Variants in GPBP1 observed in about 807,000 individuals in gnomAD.
The protein encoded by GPBP1 is GC-rich promoter binding protein 1.
A neutral mutation model predicts 56.5 loss-of-function variants in GPBP1; 13 were observed. The ratio of observed to expected loss-of-function variants is 0.23; its 90% CI spans 0.15 to 0.37. GPBP1 has a LOEUF of 0.37. Ranked by LOEUF, GPBP1 falls within the 10% of genes least tolerant of loss-of-function variation. GPBP1 has a pLI of 1.00. For synonymous variants in GPBP1, 204 were observed against 188.9 expected (o/e 1.08, Z -0.66); for missense variants, 477 against 572.3 (o/e 0.83, Z 1.70).
At chr5:57,189,666 G>A (rs1418410329) in intron 2 of GPBP1, among the ~76,000 whole-genome samples, 2 of 152,130 alleles carry the variant, frequency 1.3e-5, no homozygotes, top group African/African-American at 4.8e-5. Flanking sequence ...AATGATATTC[G>A]ATTGTGTCAT....
chr5:57,236,988 T>A (rs146048589), intron 6 of GPBP1: 97 of 678,792 alleles, frequency 1.4e-4, no homozygotes, highest in Non-Finnish European at 2.2e-4. Context: ...TTTCTTTTGA[T>A]CTTCCTCTTT....
chr5:57,200,596 T>C (rs1221344030), intron 2 of GPBP1, among the ~76,000 whole-genome samples: 1 of 152,016 alleles, frequency 6.6e-6, no homozygotes, highest in Admixed American at 6.6e-5. Context: ...CTCGACCTCC[T>C]GACCTTGTGA....
At chr5:57,193,971 A>C (rs865991793) in intron 2 of GPBP1, among the ~76,000 whole-genome samples, 2 of 152,138 alleles carry the variant, frequency 1.3e-5, no homozygotes, top group Non-Finnish European at 2.9e-5. Flanking sequence ...AACCACTGTT[A>C]GTTTCTTATG....
In GPBP1 at chr5:57,248,344, C is replaced by T. The variant is rs918142382; in HGVS notation, c.805-1065C>T. Among the ~76,000 whole-genome samples the T allele has an allele frequency of 4.6e-5, 7 of 151,126 alleles. 1 individual carries two copies. Among genetic ancestry groups the T allele is most frequent in the Admixed American group, 3.3e-4 (5 of 15,196 alleles). ...GGGAGTTCTCTGACCAGTCTAGTGT[C>T]AAAGGACACCCATAGCACTTATATT... is the stretch of plus-strand genomic sequence containing the variant. On this transcript the variant is annotated intron_variant, in intron 8 of 11. Coordinates refer to ENST00000506184, the MANE Select transcript of GPBP1 (RefSeq NM_022913.4).
chr5:57,243,326 A>G (rs1398488315), intron 6 of GPBP1, among the ~76,000 whole-genome samples: 2 of 152,104 alleles, frequency 1.3e-5, no homozygotes, highest in African/African-American at 2.4e-5. Flanking sequence ...CGGCTTCCCA[A>G]AGTGCTGGGA....
rs562726061 is a variant in GPBP1, at chr5:57,190,724, C to G, written c.-58+14324C>G. 3.4e-3 allele frequency among the ~76,000 whole-genome samples: 124 copies of G among 36,250 alleles called. 1 individual carries two copies. The highest frequency in any genetic ancestry group is 0.013 in the African/African-American group (118 of 9,292). 23.8% of individuals were successfully genotyped at this position (36,250 alleles called of 152,430 possible). A position where few individuals can be genotyped will look rare whatever the true frequency, so the allele number is the denominator to read the frequency against. On this transcript the variant is annotated intron_variant, in intron 2 of 11. Transcript: ENST00000506184. ...TTTTTTTTTTTTTTTTTTTTTTTTCCTGAGACAAGGTCTTGCTCTGTCACC... is the reference window on the plus strand; with the variant it reads ...TTTTTTTTTTTTTTTTTTTTTTTTCGTGAGACAAGGTCTTGCTCTGTCACC...
chr5:57,201,072 C>G (rs1383936611), intron 2 of GPBP1, among the ~76,000 whole-genome samples: 2 of 152,168 alleles, frequency 1.3e-5, no homozygotes, highest in Non-Finnish European at 2.9e-5. Flanking sequence ...AATCTGCCCT[C>G]CTCGGCCTCC....
chr5:57,217,408 A>G (rs1419024911), intron 3 of GPBP1, among the ~76,000 whole-genome samples: 1 of 152,106 alleles, frequency 6.6e-6, no homozygotes, highest in East Asian at 1.9e-4. Flanking sequence ...CCCCGTCTCT[A>G]CTAAAAATAC....
At chr5:57,235,872 A>C in intron 5 of GPBP1, 94 bp from the exon 6 acceptor site, 1 of 892,722 alleles carries the variant, frequency 1.1e-6, no homozygotes, top group Non-Finnish European at 1.8e-6. Flanking sequence ...AGTTGGTCAT[A>C]TTTGATTCAT....
At chr5:57,206,747 A>G (rs1260898120) in intron 2 of GPBP1, among the ~76,000 whole-genome samples, 1 of 152,172 alleles carries the variant, frequency 6.6e-6, no homozygotes, top group Non-Finnish European at 1.5e-5. Flanking sequence ...TTTTTTGAAA[A>G]GACAATTCCG....
At chr5:57,221,474 A>T (rs1755957253) in intron 3 of GPBP1, 8 of 880,344 alleles carry the variant, frequency 9.1e-6, no homozygotes, top group Non-Finnish European at 1.5e-5. Context: ...TATGCTAGGA[A>T]GGATGACAAA....
intron 10 of GPBP1, among the ~76,000 whole-genome samples, chr5:57,259,463 ACT>A (rs1215910500): frequency 6.6e-6 from 1 of 152,106 alleles, no homozygotes; most frequent in African/African-American, 2.4e-5. Flanking sequence ...AAAACTATTA[ACT>A]CTGTTTTTCA....
chr5:57,229,963 GTCCCGTCCCT>G (rs1756376570), intron 3 of GPBP1, among the ~76,000 whole-genome samples: 1 of 149,008 alleles, frequency 6.7e-6, no homozygotes, highest in Non-Finnish European at 1.5e-5. Context: ...GTCCCGTCCC[GTCCCGTCCCT>G]TCTCACATGC....
intron 3 of GPBP1, among the ~76,000 whole-genome samples, chr5:57,222,394 T>C (rs1281052725): frequency 6.6e-6 from 1 of 152,224 alleles, no homozygotes. Flanking sequence ...AATTCATCAG[T>C]TTAATAAGTT....
At chr5:57,238,765 A>AT (rs1327501437) in intron 6 of GPBP1, among the ~76,000 whole-genome samples, 2 of 152,046 alleles carry the variant, frequency 1.3e-5, no homozygotes, top group Non-Finnish European at 2.9e-5. Flanking sequence ...GCATTTATAT[A>AT]TTTTTTCAGC....
At chr5:57,204,059 T>C (rs1375146515) in intron 2 of GPBP1, among the ~76,000 whole-genome samples, 1 of 152,182 alleles carries the variant, frequency 6.6e-6, no homozygotes, top group Admixed American at 6.6e-5. Flanking sequence ...TAAGTACCAT[T>C]GAATCAGAAT....
At chr5:57,233,326 T>G (rs2111864865) in intron 5 of GPBP1, among the ~76,000 whole-genome samples, 1 of 152,276 alleles carries the variant, frequency 6.6e-6, no homozygotes. Flanking sequence ...TCAAGTAACT[T>G]TGTAATTACT....
At chr5:57,202,752 T>C (rs987847374) in intron 2 of GPBP1, among the ~76,000 whole-genome samples, 3 of 152,264 alleles carry the variant, frequency 2.0e-5, no homozygotes, top group African/African-American at 7.2e-5. Context: ...TTGTAAGCTG[T>C]TAGAGGCAGG....
At chr5:57,187,638 A>T (rs1163674264) in intron 2 of GPBP1, among the ~76,000 whole-genome samples, 1 of 152,224 alleles carries the variant, frequency 6.6e-6, no homozygotes, top group African/African-American at 2.4e-5. Context: ...GATATTGGCC[A>T]ACATAGTCTT....
Sources: gnomAD v4.1 joint callset for allele counts (sites outside exome capture counted in the v4.1 genomes callset) on GRCh38, gnomAD v4.1.1 for gene constraint, MANE v1.5 for transcripts, NCBI Gene and HGNC (gene_info 2026-07-23, HGNC 2026-07-21) for gene names.